HFM1: variants seen among roughly 807,000 people sequenced by gnomAD.
HFM1 encodes the protein probable ATP-dependent DNA helicase HFM1.
Under a neutral mutation model 192.1 loss-of-function variants are expected in HFM1, and 169 were observed. The observed-to-expected ratio is 0.88, with a 90% CI of 0.78 to 1.00. The LOEUF (loss-of-function observed/expected upper bound fraction) is 1.00. Ranked by LOEUF, HFM1 falls within the 50% of genes least tolerant of loss-of-function variation. HFM1 has a pLI of 0.00. For missense variants in HFM1, 1,661 were observed against 1,668.0 expected (o/e 1.00, Z 0.07); for synonymous variants, 525 against 537.8 (o/e 0.98, Z 0.33).
At position 91,350,987 on chromosome 1, in the gene HFM1, CTTAA is replaced by C. The variant is rs552901703; in HGVS notation, c.2073-120_2073-117del. 3.0e-4 allele frequency: 243 copies of C among 812,816 alleles called. 1 individual carries two copies. In the African/African-American group the frequency reaches 4.1e-3, roughly 14 times the overall value. 50.4% of individuals were successfully genotyped at this position (812,816 alleles called of 1,614,324 possible). A position where few individuals can be genotyped will look rare whatever the true frequency, so the allele number is the denominator to read the frequency against. On this transcript the variant is annotated intron_variant, in intron 17 of 38. Transcript: ENST00000370425. ...TACTTTACTAATTCATGAAATATAA[CTTAA>C]TTTCCAAAAACATAAAAGAAAACCT...
At chr1:91,329,389 G>A (rs889600845) in intron 20 of HFM1, 40 of 1,585,132 alleles carry the variant, frequency 2.5e-5, no homozygotes, top group Middle Eastern at 4.1e-4. Context: ...AGCACCCAGG[G>A]CCGCCTGGAT....
chr1:91,350,293 G>T (rs1474319308), intron 18 of HFM1, among the ~76,000 whole-genome samples: 1 of 152,024 alleles, frequency 6.6e-6, no homozygotes, highest in Non-Finnish European at 1.5e-5. Flanking sequence ...CCAGATGTGG[G>T]TTAGCTTTAG....
chr1:91,313,612 A>G, intron 29 of HFM1, 117 bp from the exon 30 acceptor site: 3 of 577,648 alleles, frequency 5.2e-6, no homozygotes. Context: ...TAAGAAGTCC[A>G]GAAAGTTAAA....
At position 91,294,105 on chromosome 1, in the gene HFM1, C is replaced by T. The variant is rs1479069880; in HGVS notation, c.3392-17043G>A. Among the ~76,000 whole-genome samples the T allele has an allele frequency of 4.0e-5, 6 of 150,600 alleles. No individual in the cohort carries two copies. In the East Asian group the frequency reaches 7.8e-4, roughly 20 times the overall value. On this transcript the variant is annotated intron_variant, in intron 30 of 38. Transcript: ENST00000370425. The stretch of plus-strand genomic sequence containing the variant: ...GGGAGATATACCTAATGCTAGATGA[C>T]GAGTTAGTGGGTGCAGTGCACCAGC...
chr1:91,404,790 C>A lies in HFM1; in HGVS notation c.-28+8G>T, dbSNP rs1457270626. On this transcript the variant is annotated splice_region_variant and intron_variant, in intron 1 of 38. Transcript: ENST00000370425. ...CTTCCCCGCGGGCGTCCGGGCCCCTCTCCTCACCTCCCTGCGGACAGCTCC... is the reference window on the plus strand; with the variant it reads ...CTTCCCCGCGGGCGTCCGGGCCCCTATCCTCACCTCCCTGCGGACAGCTCC... 4.5e-6 allele frequency: 2 copies of A among 448,754 alleles called. No homozygotes were observed. The highest frequency in any genetic ancestry group is 8.9e-6 in the Non-Finnish European group (2 of 223,780). 27.8% of individuals were successfully genotyped at this position (448,754 alleles called of 1,614,324 possible).
chr1:91,332,639 A>T (rs948739054), intron 20 of HFM1, among the ~76,000 whole-genome samples: 1 of 152,206 alleles, frequency 6.6e-6, no homozygotes, highest in African/African-American at 2.4e-5. Context: ...CAGCAAAGGA[A>T]ACAATCAACA....
At position 91,394,123 on chromosome 1, in the gene HFM1, T is replaced by C. The variant is rs770945159; in HGVS notation, c.464A>G (p.Lys155Arg). The change falls in exon 4 of 39, where the codon AAA becomes AGA. Residue 155 changes from lysine (K) to arginine (R), a missense_variant. Lys to Arg is a conservative substitution (Grantham distance 26). Transcript: ENST00000370425. ...CCGGAATACTGATGTGCTCTCTCCT[T>C]TATCTTCTGCAAAATTAACTAATTT... ...DTKLVNFAED[K>R]GESTSVFRKR... 4 of 1,600,150 alleles carry C rather than the reference T, an allele frequency of 2.5e-6. No individual in the cohort carries two copies. In the South Asian group the frequency reaches 3.4e-5, roughly 13 times the overall value.
intron 30 of HFM1, among the ~76,000 whole-genome samples, chr1:91,291,236 C>A (rs1668709401): frequency 6.6e-6 from 1 of 152,138 alleles, no homozygotes; most frequent in Admixed American, 6.5e-5. Context: ...ACACAAAACA[C>A]CCTTCAAAAA....
Position 91,385,612 on chromosome 1 carries a change from T to G in HFM1, c.717A>C (p.Pro239=). 6.2e-7 allele frequency: 1 copy of G among 1,613,078 alleles called. No homozygotes were observed. The highest frequency in any genetic ancestry group is 8.5e-7 in the Non-Finnish European group (1 of 1,179,280). ...SEIGEGMFKA[P]SFSVAFQPHD... ...GAGGTTGGAAAGCAACTGAAAAAGA[T>G]GGTGCTTTGAACATGCCTTCTCCGA... The change falls in exon 5 of 39, where the codon CCA becomes CCC. Residue 239 remains proline (P), a synonymous_variant. Coordinates refer to ENST00000370425, the MANE Select transcript of HFM1 (RefSeq NM_001017975.6).
At chr1:91,328,779 T>C in intron 20 of HFM1, 1 of 1,610,852 alleles carries the variant, frequency 6.2e-7, no homozygotes, top group Non-Finnish European at 8.5e-7. Flanking sequence ...CTGGTGAAGG[T>C]CACTAAGCAG....
chr1:91,380,918 A>G lies in HFM1; in HGVS notation c.867T>C (p.Phe289=). 7.4e-7 allele frequency: 1 copy of G among 1,344,564 alleles called. No homozygotes were observed. The highest frequency in any genetic ancestry group is 1.1e-6 in the Non-Finnish European group (1 of 944,632). 83.3% of individuals were successfully genotyped at this position (1,344,564 alleles called of 1,614,324 possible). ...PYFNYIQSKA[F]DDLLYTDRNF... ...AGTAAAATAAAATACTTACATCATC[A>G]AAGGCCTTGGACTGTATATAGTTGA... Residue 289 remains phenylalanine (F), a synonymous_variant, in exon 7 of 39, where the codon TTT becomes TTC. Coordinates refer to ENST00000370425, the MANE Select transcript of HFM1 (RefSeq NM_001017975.6).
At chr1:91,278,661 T>C (rs1337159418) in intron 30 of HFM1, among the ~76,000 whole-genome samples, 1 of 152,184 alleles carries the variant, frequency 6.6e-6, no homozygotes, top group African/African-American at 2.4e-5. Flanking sequence ...AGTGATAATA[T>C]ACATATTGCA....
Position 91,314,053 on chromosome 1 carries a change from C to G in HFM1, c.3148G>C (p.Val1050Leu). The change falls in exon 29 of 39, where the codon GTT (valine) becomes CTT (leucine). Residue 1050 changes from valine to leucine, a missense_variant. Val to Leu is a conservative substitution (Grantham distance 32). Transcript: ENST00000370425. The part of the protein sequence containing the change: ...VVYLHKITDS[V>L]LLKAGSWAKK... ...GCCCAACTTCCAGCTTTTAGCAAAA[C>G]AGAATCCCTGAAAAATAGTATAGTT... The G allele has an allele frequency of 1.3e-6, 2 of 1,598,110 alleles. No individual in the cohort carries two copies. Among genetic ancestry groups the G allele is most frequent in the South Asian group, 1.1e-5 (1 of 89,928 alleles).
intron 30 of HFM1, among the ~76,000 whole-genome samples, chr1:91,310,288 GA>G (rs1050025146): frequency 1.3e-5 from 2 of 150,556 alleles, no homozygotes; most frequent in East Asian, 1.9e-4. Context: ...AATATGGATG[GA>G]AAAAAAAACT....
At chr1:91,305,861 C>T (rs1194257114) in intron 30 of HFM1, among the ~76,000 whole-genome samples, 1 of 152,146 alleles carries the variant, frequency 6.6e-6, no homozygotes, top group Non-Finnish European at 1.5e-5. Context: ...AGCCACTGCA[C>T]CCAGCCCCCT....
In HFM1 at chr1:91,322,971, G is replaced by T; in HGVS notation, c.2561C>A (p.Thr854Lys). The change falls in exon 23 of 39, where the codon ACA becomes AAA. Residue 854 changes from threonine to lysine, a missense_variant. By Grantham distance (78) the Thr-to-Lys change is moderately conservative. Coordinates refer to ENST00000370425, the MANE Select transcript of HFM1 (RefSeq NM_001017975.6). ...TTACCAATTTACTTTCATTTCTCTT[G>T]TTTTAATTCTTCCTTCCATTGGAAA... The part of the protein sequence containing the change: ...IRFPMEGRIK[T>K]REMKVNCLIQ... 7.3e-7 allele frequency: 1 copy of T among 1,373,560 alleles called. No individual in the cohort carries two copies. 85.1% of individuals were successfully genotyped at this position (1,373,560 alleles called of 1,614,324 possible).
upstream of HFM1, among the ~76,000 whole-genome samples, chr1:91,405,459 C>G (rs189355330): frequency 2.2e-4 from 34 of 152,294 alleles, no homozygotes; most frequent in East Asian, 6.4e-3. Context: ...ATCAATGATG[C>G]TTTTCTTACA....
intron 20 of HFM1, among the ~76,000 whole-genome samples, chr1:91,340,608 C>G (rs1343202715): frequency 2.0e-5 from 3 of 152,104 alleles, no homozygotes; most frequent in Non-Finnish European, 4.4e-5. Flanking sequence ...CAATATCAAC[C>G]TTGAATATAA....
rs1451575271 is a variant in HFM1 at position 91,262,366 on chromosome 1, T to G, written c.4113A>C (p.Gln1371His). ...GCTTCTCAATCTCTGGTGACAGATTTTGTGGTTTTCTTTCTTGAAAATGGA... is the reference window on the plus strand; with the variant it reads ...GCTTCTCAATCTCTGGTGACAGATTGTGTGGTTTTCTTTCTTGAAAATGGA... The part of the protein sequence containing the change: ...VIVHFQERKP[Q>H]NLSPEIEKQC... The change falls in exon 38 of 39, where the codon CAA (glutamine) becomes CAC (histidine). Residue 1371 changes from glutamine to histidine, a missense_variant. Physicochemically the swap from Gln to His is conservative, Grantham distance 24. Coordinates refer to ENST00000370425, the MANE Select transcript of HFM1 (RefSeq NM_001017975.6). 2.0e-5 allele frequency: 31 copies of G among 1,578,882 alleles called. No homozygotes were observed. Among genetic ancestry groups the G allele is most frequent in the Non-Finnish European group, 2.7e-5 (31 of 1,162,638 alleles).
Sources: gnomAD v4.1 joint callset for allele counts (sites outside exome capture counted in the v4.1 genomes callset) on GRCh38, gnomAD v4.1.1 for gene constraint, MANE v1.5 for transcripts, NCBI Gene and HGNC (gene_info 2026-07-23, HGNC 2026-07-21) for gene names.